ZNF462: variants seen among roughly 807,000 people sequenced by gnomAD.
ZNF462 encodes zinc finger protein 462.
In ZNF462, 10 loss-of-function variants were observed where a neutral mutation model predicts 201.9. That is an observed-to-expected ratio of 0.05 (90% CI 0.03 to 0.08). ZNF462 has a LOEUF of 0.08. ZNF462 is among the 10% of genes least tolerant of loss of function. The probability of loss-of-function intolerance (pLI) is 1.00; values close to 1 mark genes in which losing one functional copy is unlikely to be tolerated. For synonymous variants in ZNF462, 1,227 were observed against 1,193.3 expected, an observed-to-expected ratio of 1.03 and a Z score of -0.58; for missense variants, 2,523 against 3,168.3, an observed-to-expected ratio of 0.80 and a Z score of 4.89.
rs1360268064 is a variant in ZNF462, at chr9:106,923,392, G to A, written c.9G>A (p.Val3=). The A allele has an allele frequency of 6.2e-7, 1 of 1,613,992 alleles. No homozygotes were observed. Among genetic ancestry groups the A allele is most frequent in the African/African-American group, 1.3e-5 (1 of 74,910 alleles). ...GAGGCTAGACCCAGATCATGGAGGT[G>A]CTTCAGTGTGATGGCTGTGATTTCC... ME[V]LQCDGCDFRA... The change falls in exon 2 of 13, where the codon GTG becomes GTA. Residue 3 remains valine (V), a synonymous_variant. Transcript: ENST00000277225. This position sits in a 1 kb window ranked among gnomAD's most constrained non-coding sequence, Gnocchi z 5.6.
In ZNF462 at chr9:106,909,245, G is replaced by A. The variant is rs573822568; in HGVS notation, c.-30-14109G>A. 1.2e-4 allele frequency among the ~76,000 whole-genome samples: 18 copies of A among 151,616 alleles called. 1 individual carries two copies. The South Asian group carries it at 1.9e-3, about 16-fold the overall frequency. ...CCCAGAGTGCTGGGATTACAGGCCC[G>A]TTAATATTTATCCTCTAAAGCTTTT... is the stretch of plus-strand genomic sequence containing the variant. On this transcript the variant is annotated intron_variant, in intron 1 of 12. Transcript: ENST00000277225.
chr9:106,958,767 A>G (rs1159871468), intron 7 of ZNF462, among the ~76,000 whole-genome samples: 3 of 152,040 alleles, frequency 2.0e-5, no homozygotes, highest in Non-Finnish European at 4.4e-5. Flanking sequence ...CAATACATCC[A>G]CTGTAGATGA....
intron 7 of ZNF462, among the ~76,000 whole-genome samples, chr9:106,951,628 G>T (rs1831352626): frequency 6.6e-6 from 1 of 152,110 alleles, no homozygotes; most frequent in African/African-American, 2.4e-5. Context: ...CACAGCACTA[G>T]CCCAGGCAGA....
intron 10 of ZNF462, among the ~76,000 whole-genome samples, chr9:106,986,542 C>T (rs1827843551): frequency 6.6e-6 from 1 of 152,136 alleles, no homozygotes. Context: ...ATCATAATGG[C>T]AGCTGTGTTC....
chr9:106,870,227 C>G lies in ZNF462; in HGVS notation c.-31+6872C>G, dbSNP rs1340821227. Reference sequence around the variant, plus strand: ...CCTTTTACTTCTGGTGAGCACATTACTTGGTGTCTTCAAAGCATTCTTGCC... The same window carrying G: ...CCTTTTACTTCTGGTGAGCACATTAGTTGGTGTCTTCAAAGCATTCTTGCC... On this transcript the variant is annotated intron_variant, in intron 1 of 12. Transcript: ENST00000277225. This position sits in a 1 kb window ranked among gnomAD's most constrained non-coding sequence, Gnocchi z 4.3. 6.6e-6 allele frequency among the ~76,000 whole-genome samples: 1 copy of G among 152,146 alleles called. No individual in the cohort carries two copies. The highest frequency in any genetic ancestry group is 1.5e-5 in the Non-Finnish European group (1 of 68,028).
intron 1 of ZNF462, among the ~76,000 whole-genome samples, chr9:106,864,494 C>T (rs895706570): frequency 4.6e-5 from 7 of 152,094 alleles, no homozygotes; most frequent in Non-Finnish European, 8.8e-5. Flanking sequence ...CTTTATCTCC[C>T]TGTCCTCCAT....
chr9:106,943,053 C>A (rs1360073347), intron 7 of ZNF462, among the ~76,000 whole-genome samples: 4 of 138,016 alleles, frequency 2.9e-5, no homozygotes, highest in Non-Finnish European at 4.6e-5. Flanking sequence ...TTTTGTTTTG[C>A]GCGCGCGTGT....
At chr9:106,945,633 A>G (rs1430227067) in intron 7 of ZNF462, among the ~76,000 whole-genome samples, 1 of 152,234 alleles carries the variant, frequency 6.6e-6, no homozygotes, top group Non-Finnish European at 1.5e-5. Context: ...ATAATTTTTA[A>G]TAGGTTCTGC....
At chr9:106,985,092 CAAAA>C (rs1827734426) in intron 10 of ZNF462, among the ~76,000 whole-genome samples, 1 of 151,560 alleles carries the variant, frequency 6.6e-6, no homozygotes, top group South Asian at 2.1e-4. Context: ...GCGTGGGCGA[CAAAA>C]AAAGAAAGAA....
intron 1 of ZNF462, among the ~76,000 whole-genome samples, chr9:106,899,378 A>G (rs1828960044): frequency 6.6e-6 from 1 of 152,152 alleles, no homozygotes; most frequent in Admixed American, 6.5e-5. Flanking sequence ...CATCTCGCAG[A>G]TGAGGCAGTG....
Position 106,890,771 on chromosome 9 carries a change from G to A in ZNF462, c.-31+27416G>A, listed in dbSNP as rs576501972. ...CTGTGACATGAAACAATATTGCATC[G>A]TAGGGAGTGCATAGTAGACTATGTT... On this transcript the variant is annotated intron_variant, in intron 1 of 12. Coordinates refer to ENST00000277225, the MANE Select transcript of ZNF462 (RefSeq NM_021224.6). This position sits in a 1 kb window ranked among gnomAD's most constrained non-coding sequence, Gnocchi z 4.2. Among the ~76,000 whole-genome samples, 85 of 152,206 alleles carry A rather than the reference G, an allele frequency of 5.6e-4. No individual in the cohort carries two copies. Among genetic ancestry groups the A allele is most frequent in the African/African-American group, 2.0e-3 (83 of 41,530 alleles).
In ZNF462 at chr9:107,010,080, G is replaced by T. The variant is rs1829838868; in HGVS notation, c.7313+412G>T. 6.6e-6 allele frequency among the ~76,000 whole-genome samples: 1 copy of T among 152,088 alleles called. No individual in the cohort carries two copies. The highest frequency in any genetic ancestry group is 2.1e-4 in the South Asian group (1 of 4,810). On this transcript the variant is annotated intron_variant, in intron 12 of 12. Transcript: ENST00000277225. The surrounding 1 kb of genome is among the most constrained non-coding windows in gnomAD (Gnocchi z 4.6). ...CTGAACATTCCCATGTACTGCCTCG[G>T]GGACAGAGCCAGCTTCTGCCTGCCT...
chr9:106,959,427 T>C (rs1753773802), intron 7 of ZNF462, among the ~76,000 whole-genome samples: 2 of 152,134 alleles, frequency 1.3e-5, no homozygotes, highest in African/African-American at 4.8e-5. Flanking sequence ...TGGTGCAGAA[T>C]TGATATAATG....
chr9:106,941,206 T>A (rs1830854229), intron 7 of ZNF462, among the ~76,000 whole-genome samples: 2 of 152,216 alleles, frequency 1.3e-5, no homozygotes, highest in Admixed American at 1.3e-4. Flanking sequence ...CTTGAGCCTG[T>A]ACTCTCTTCT....
chr9:106,945,583 T>C (rs1049135417), intron 7 of ZNF462, among the ~76,000 whole-genome samples: 2 of 152,204 alleles, frequency 1.3e-5, no homozygotes, highest in Non-Finnish European at 2.9e-5. Context: ...ACATCGTTTA[T>C]AGCACATGCG....
At position 106,984,423 on chromosome 9, in the gene ZNF462, C is replaced by T. The variant is rs1827670458; in HGVS notation, c.7056+14C>T. 6.2e-7 allele frequency: 1 copy of T among 1,601,264 alleles called. No individual in the cohort carries two copies. Among genetic ancestry groups the T allele is most frequent in the Non-Finnish European group, 8.5e-7 (1 of 1,173,392 alleles). ...GATGAGCATAAGGTACTTACCAGGA[C>T]TTCCTGCTCCCGCCTCAGCACACTT... is the stretch of plus-strand genomic sequence containing the variant. On this transcript the variant is annotated intron_variant, in intron 10 of 12. Coordinates refer to ENST00000277225, the MANE Select transcript of ZNF462 (RefSeq NM_021224.6). The surrounding 1 kb of genome is among the most constrained non-coding windows in gnomAD (Gnocchi z 6.4).
Position 106,935,596 on chromosome 9 carries a change from A to T in ZNF462, c.6210A>T (p.Lys2070Asn). 6.2e-7 allele frequency: 1 copy of T among 1,614,098 alleles called. No individual in the cohort carries two copies. The highest frequency in any genetic ancestry group is 8.5e-7 in the Non-Finnish European group (1 of 1,179,962). ...SFKSSYNSRLKTHILKAHAGE... is the reference protein window; with the variant it reads ...SFKSSYNSRLNTHILKAHAGE... ...AGTCCTCCTATAACAGCCGGCTGAA[A>T]ACACATATACTCAAAGCTCATGCTG... Residue 2070 changes from lysine (K) to asparagine (N), a missense_variant, in exon 6 of 13, where the codon AAA becomes AAT. By Grantham distance (94) the Lys-to-Asn change is moderately conservative. Around this residue, in one of 15 missense-constraint regions of ZNF462, gnomAD observed 138 missense variants for 146.3 expected, o/e 0.94. Transcript: ENST00000277225. This position sits in a 1 kb window ranked among gnomAD's most constrained non-coding sequence, Gnocchi z 4.1.
At chr9:106,864,076 C>CTG (rs1827196061) in intron 1 of ZNF462, among the ~76,000 whole-genome samples, 1 of 135,068 alleles carries the variant, frequency 7.4e-6, no homozygotes, top group African/African-American at 2.8e-5. Context: ...CTCTCTCTCT[C>CTG]TCTCTCTCTC....
In ZNF462 at chr9:107,013,348, A is replaced by G. The variant is rs972451000; in HGVS notation, c.*2318A>G. The stretch of plus-strand genomic sequence containing the variant: ...GCATTATTATAATTCTGTTGACTGT[A>G]ATGACATAGAATTTACAACATTTTT... On this transcript the variant is annotated 3_prime_UTR_variant, in exon 13 of 13. Transcript: ENST00000277225. 2 of 152,174 alleles carry G rather than the reference A, an allele frequency of 1.3e-5. No individual in the cohort carries two copies. The highest frequency in any genetic ancestry group is 4.1e-4 in the South Asian group (2 of 4,830). 9.4% of individuals were successfully genotyped at this position (152,174 alleles called of 1,614,324 possible).
Sources: gnomAD v4.1 joint callset for allele counts (sites outside exome capture counted in the v4.1 genomes callset) on GRCh38, gnomAD v4.1.1 for gene constraint, gnomAD v4.1.1 regional missense constraint, Gnocchi (gnomAD v3.1) non-coding constraint, MANE v1.5 for transcripts, NCBI Gene and HGNC (gene_info 2026-07-23, HGNC 2026-07-21) for gene names.